Variants in GRIP2 observed in about 807,000 individuals in gnomAD.
GRIP2 encodes the protein glutamate receptor-interacting protein 2.
A neutral mutation model predicts 108.3 loss-of-function variants in GRIP2; 58 were observed. The ratio of observed to expected loss-of-function variants is 0.54; its 90% CI spans 0.43 to 0.67. GRIP2 has a LOEUF of 0.67. Among genes scored for constraint, GRIP2 ranks in the 30% least tolerant of loss-of-function variants. The pLI is 0.00. For missense variants in GRIP2, 1,278 were observed against 1,430.6 expected (o/e 0.89, Z 1.72); for synonymous variants, 586 against 598.2 (o/e 0.98, Z 0.30).
the GRIP2 span, among the ~76,000 whole-genome samples, chr3:14,585,985 G>A: frequency 3.3e-5 from 5 of 152,102 alleles, no homozygotes; most frequent in Non-Finnish European, 7.3e-5. Context: ...CATTGGCCTG[G>A]CACCCCGGCT....
chr3:14,506,194 C>G (rs1172356922), intron 19 of GRIP2, among the ~76,000 whole-genome samples: 1 of 152,224 alleles, frequency 6.6e-6, no homozygotes, highest in African/African-American at 2.4e-5. Context: ...CAAGAACGGG[C>G]TGGCAGCCAC....
upstream of GRIP2, among the ~76,000 whole-genome samples, chr3:14,546,257 G>A (rs987985831): frequency 1.3e-5 from 2 of 152,218 alleles, no homozygotes; most frequent in Non-Finnish European, 2.9e-5. Flanking sequence ...CTGAGGGGCA[G>A]GTGCAGCTAA....
chr3:14,599,713 T>TTTG, the GRIP2 span, among the ~76,000 whole-genome samples: 41 of 73,570 alleles, frequency 5.6e-4, 1 homozygote, highest in East Asian at 3.0e-3. Context: ...GTGTGTGTGT[T>TTTG]TGTGTGTGTG....
intron 1 of GRIP2, among the ~76,000 whole-genome samples, chr3:14,528,070 G>A (rs1286540625): frequency 6.6e-6 from 1 of 152,026 alleles, no homozygotes; most frequent in African/African-American, 2.4e-5. Flanking sequence ...GTCAGTCCCT[G>A]CCCCAACCTC....
At chr3:14,573,167 C>T in the GRIP2 span, 12 of 1,437,314 alleles carry the variant, frequency 8.3e-6, no homozygotes, top group South Asian at 1.1e-5. Flanking sequence ...CAGCCAGCAG[C>T]TTGAAGAAGG....
In GRIP2 at chr3:14,511,356, C is replaced by T; in HGVS notation, c.1788-46G>A. 6.2e-7 allele frequency: 1 copy of T among 1,613,920 alleles called. No individual in the cohort carries two copies. The highest frequency in any genetic ancestry group is 8.5e-7 in the Non-Finnish European group (1 of 1,179,838). ...GGGGATGGAAGGAGCCTGGTGCATG[C>T]AGGTGCCATACTCACTGCTGTTGGC... On this transcript the variant is annotated intron_variant, in intron 15 of 23. Transcript: ENST00000621039. The surrounding 1 kb of genome is among the most constrained non-coding windows in gnomAD (Gnocchi z 4.1).
In GRIP2 at chr3:14,489,533, A is replaced by G. The variant is rs1156580664; in HGVS notation, c.*4132T>C. 6.6e-6 allele frequency: 1 copy of G among 152,354 alleles called. No homozygotes were observed. Among genetic ancestry groups the G allele is most frequent in the African/African-American group, 2.4e-5 (1 of 41,456 alleles). 9.4% of individuals were successfully genotyped at this position (152,354 alleles called of 1,614,324 possible). A position where few individuals can be genotyped will look rare whatever the true frequency, so the allele number is the denominator to read the frequency against. ...CTTGCTCACTCAGGGGTACACAGCA[A>G]GTCCATGAAAGAACCTGGATTCGCA... On this transcript the variant is annotated 3_prime_UTR_variant, in exon 24 of 24. Coordinates refer to ENST00000621039, the MANE Select transcript of GRIP2 (RefSeq NM_001080423.4).
At chr3:14,582,058 A>T in the GRIP2 span, among the ~76,000 whole-genome samples, 13 of 152,352 alleles carry the variant, frequency 8.5e-5, no homozygotes, top group East Asian at 1.9e-3. Context: ...GATACTGGTC[A>T]GGAGCATGAC....
intron 22 of GRIP2, among the ~76,000 whole-genome samples, chr3:14,495,260 G>T (rs879916854): frequency 8.5e-5 from 13 of 152,118 alleles, no homozygotes; most frequent in Admixed American, 5.9e-4. Flanking sequence ...CTGTCCTCTG[G>T]CTCTATCAGG....
At chr3:14,518,223 G>A (rs1039245349) in intron 9 of GRIP2, among the ~76,000 whole-genome samples, 3 of 152,240 alleles carry the variant, frequency 2.0e-5, no homozygotes, top group Non-Finnish European at 4.4e-5. Flanking sequence ...TATGAGTGCT[G>A]CCATGAAGTT....
At chr3:14,592,607 A>G in the GRIP2 span, among the ~76,000 whole-genome samples, 2 of 152,200 alleles carry the variant, frequency 1.3e-5, no homozygotes, top group Admixed American at 6.5e-5. Flanking sequence ...GCCAGATATT[A>G]GGAGACCCAA....
chr3:14,556,192 G>A, upstream of GRIP2: 1 of 389,342 alleles, frequency 2.6e-6, no homozygotes, highest in Non-Finnish European at 4.5e-6. Flanking sequence ...TGCAGTGCCG[G>A]ATGTTCTAGC....
At chr3:14,573,101 G>A in the GRIP2 span, 2 of 1,416,560 alleles carry the variant, frequency 1.4e-6, no homozygotes, top group Non-Finnish European at 2.0e-6. Flanking sequence ...ACCCCGAAAT[G>A]TGGGCAAAGT....
chr3:14,573,297 C>T, the GRIP2 span: 1 of 1,424,538 alleles, frequency 7.0e-7, no homozygotes, highest in Non-Finnish European at 9.9e-7. Context: ...GAAGATGGCA[C>T]TGGCCAGGTT....
In GRIP2 at chr3:14,506,959, G is replaced by A. The variant is rs373103453; in HGVS notation, c.2240C>T (p.Ser747Leu). 37 of 1,605,388 alleles carry A rather than the reference G, an allele frequency of 2.3e-5. No homozygotes were observed. The highest frequency in any genetic ancestry group is 1.7e-4 in the Middle Eastern group (1 of 6,036). Reference protein sequence around the residue: ...QLDRPLLPRKSGSLSETSDAD... With the variant: ...QLDRPLLPRKLGSLSETSDAD... ...ATCACTGGTCTCACTGAGGCTGCCC[G>A]ACTTGCGGGGTAGGAGGGGACCTGG... The change falls in exon 19 of 24, where the codon TCG becomes TTG. Residue 747 changes from serine (S) to leucine (L), a missense_variant. By Grantham distance (145) the Ser-to-Leu change is moderately radical (BLOSUM62 -2). Transcript: ENST00000621039.
At chr3:14,561,970 G>C in the GRIP2 span, among the ~76,000 whole-genome samples, 1 of 152,242 alleles carries the variant, frequency 6.6e-6, no homozygotes, top group African/African-American at 2.4e-5. Context: ...GCCAAGCGTG[G>C]AGGTACAGCC....
the GRIP2 span, among the ~76,000 whole-genome samples, chr3:14,595,027 G>A: frequency 1.3e-5 from 2 of 152,156 alleles, no homozygotes; most frequent in Non-Finnish European, 2.9e-5. Flanking sequence ...CTCCCGAGTA[G>A]CTGGGACCAC....
the GRIP2 span, among the ~76,000 whole-genome samples, chr3:14,568,430 G>A: frequency 9.9e-5 from 15 of 152,190 alleles, no homozygotes; most frequent in Admixed American, 5.9e-4. Flanking sequence ...CTTTACAGAG[G>A]AGGAACCTGA....
Position 14,514,367 on chromosome 3 carries a change from C to T in GRIP2, c.1418G>A (p.Gly473Asp), listed in dbSNP as rs371293169. The T allele has an allele frequency of 6.4e-7, 1 of 1,574,528 alleles. No homozygotes were observed. Among genetic ancestry groups the T allele is most frequent in the African/African-American group, 1.4e-5 (1 of 73,428 alleles). The part of the protein sequence containing the change: ...PLSGFGLQLQ[G>D]GIFATETLSS... ...CAGGGTCTCGGTGGCGAAGATGCCG[C>T]CCTGGAGCTGGAGGCCAAAGCCGCT... The change falls in exon 12 of 24, where the codon GGC (glycine) becomes GAC (aspartate). Residue 473 changes from glycine to aspartate, a missense_variant. Physicochemically the swap from Gly to Asp is moderately conservative, Grantham distance 94. Coordinates refer to ENST00000621039, the MANE Select transcript of GRIP2 (RefSeq NM_001080423.4).
Sources: allele counts gnomAD v4.1 joint callset (sites outside exome capture counted in the v4.1 genomes callset), GRCh38; gene constraint gnomAD v4.1.1; non-coding constraint Gnocchi (gnomAD v3.1); transcripts MANE v1.5; gene names NCBI Gene and HGNC (gene_info 2026-07-23, HGNC 2026-07-21).